LOXL3: variants seen among roughly 807,000 people sequenced by gnomAD.
LOXL3 encodes the protein lysyl oxidase like 3.
Under a neutral mutation model 91.8 loss-of-function variants are expected in LOXL3, and 60 were observed. That is an observed-to-expected ratio of 0.65 (90% CI 0.53 to 0.81). The LOEUF (loss-of-function observed/expected upper bound fraction) is 0.81, where lower values mean the gene tolerates loss of function less well. Ranked by LOEUF, LOXL3 falls within the 30% of genes least tolerant of loss-of-function variation. The probability of loss-of-function intolerance (pLI) is 0.00; values close to 1 mark genes in which losing one functional copy is unlikely to be tolerated. For synonymous variants in LOXL3, 355 were observed against 387.6 expected, an observed-to-expected ratio of 0.92 and a Z score of 0.99; for missense variants, 874 against 1,000.4, an observed-to-expected ratio of 0.87 and a Z score of 1.70.
intron 4 of LOXL3, among the ~76,000 whole-genome samples, chr2:74,538,528 A>G (rs1378683586): frequency 6.6e-6 from 1 of 152,226 alleles, no homozygotes; most frequent in African/African-American, 2.4e-5. Context: ...AGATGTAATT[A>G]CAGGGGTTGG....
At chr2:74,545,133 GA>G (rs1676526613) in intron 4 of LOXL3, among the ~76,000 whole-genome samples, 1 of 152,200 alleles carries the variant, frequency 6.6e-6, no homozygotes, top group Non-Finnish European at 1.5e-5. Context: ...CTGAAGCCCA[GA>G]GATGGCTGCT....
intron 9 of LOXL3, 50 bp from the exon 10 acceptor site, chr2:74,534,824 A>C (rs1675901235): frequency 6.3e-7 from 1 of 1,587,332 alleles, no homozygotes; most frequent in African/African-American, 1.3e-5. Context: ...GACTTCACAG[A>C]GAGGGGTGCT....
At chr2:74,539,322 GAAC>G (rs1676188596) in intron 4 of LOXL3, among the ~76,000 whole-genome samples, 1 of 152,192 alleles carries the variant, frequency 6.6e-6, no homozygotes, top group Non-Finnish European at 1.5e-5. Flanking sequence ...ACCGTCTGCT[GAAC>G]ACCATTGAAC....
Position 74,549,661 on chromosome 2 carries a change from T to C in LOXL3, c.478-78A>G. ...TCCCGCCGCCCTTAAGGAACCCTGC[T>C]TGGTGTGCCTGCTGTAAACCCAGTG... is the stretch of plus-strand genomic sequence containing the variant. On this transcript the variant is annotated intron_variant, in intron 3 of 13. Coordinates refer to ENST00000264094, the MANE Select transcript of LOXL3 (RefSeq NM_032603.5). The surrounding 1 kb of genome is among the most constrained non-coding windows in gnomAD (Gnocchi z 5.3). 1.3e-6 allele frequency: 2 copies of C among 1,496,402 alleles called. No homozygotes were observed. The highest frequency in any genetic ancestry group is 9.0e-7 in the Non-Finnish European group (1 of 1,115,586). The allele number at this position is 1,496,402 out of a possible 1,614,324, so 92.7% of individuals were successfully genotyped here.
chr2:74,550,108 A>G (rs1280158459), intron 3 of LOXL3, 77 bp downstream of exon 3: 45 of 1,517,092 alleles, frequency 3.0e-5, no homozygotes, highest in Admixed American at 1.3e-4. Flanking sequence ...ACTACCTTCT[A>G]ATGTCTCCGC....
Position 74,549,165 on chromosome 2 carries a change from C to A in LOXL3, c.692+204G>T, listed in dbSNP as rs1223055435. On this transcript the variant is annotated intron_variant, in intron 4 of 13. Coordinates refer to ENST00000264094, the MANE Select transcript of LOXL3 (RefSeq NM_032603.5). The surrounding 1 kb of genome is among the most constrained non-coding windows in gnomAD (Gnocchi z 5.3). ...AGAGAGCGGGAGCCTCGCTGGTCCC[C>A]ATTTCAGGTACTCCCTTGGGGCACC... The A allele has an allele frequency of 4.1e-6, 2 of 482,740 alleles. No individual in the cohort carries two copies. The highest frequency in any genetic ancestry group is 4.8e-5 in the South Asian group (1 of 20,720). 29.9% of individuals were successfully genotyped at this position (482,740 alleles called of 1,614,324 possible).
intron 4 of LOXL3, among the ~76,000 whole-genome samples, chr2:74,538,837 C>T (rs1676164577): frequency 6.6e-6 from 1 of 152,208 alleles, no homozygotes; most frequent in South Asian, 2.1e-4. Context: ...TCTCCTGGAA[C>T]TCAGCAGGGG....
At position 74,533,036 on chromosome 2, in the gene LOXL3, C is replaced by T. The variant is rs780025917; in HGVS notation, c.*570G>A. 1.2e-5 allele frequency: 19 copies of T among 1,589,030 alleles called. No individual in the cohort carries two copies. In the African/African-American group the frequency reaches 2.3e-4, roughly 19 times the overall value. On this transcript the variant is annotated 3_prime_UTR_variant, in exon 14 of 14. Transcript: ENST00000264094. ...CTGCTCTGATTTCCTCCTTGCCTTT[C>T]TGGCTGAGGTTCTGAGGGCACCGAG...
intron 1 of LOXL3, among the ~76,000 whole-genome samples, chr2:74,553,453 C>T (rs945512687): frequency 6.6e-6 from 1 of 152,208 alleles, no homozygotes; most frequent in African/African-American, 2.4e-5. Flanking sequence ...CTCCTGCCAA[C>T]ACCACCATCC....
Position 74,535,230 on chromosome 2 carries a change from C to T in LOXL3, c.1579+62G>A. 1 of 1,543,826 alleles carries T rather than the reference C, an allele frequency of 6.5e-7. No individual in the cohort carries two copies. Among genetic ancestry groups the T allele is most frequent in the South Asian group, 1.2e-5 (1 of 82,036 alleles). Reference sequence around the variant, plus strand: ...CCCCTCCAGATTACAGCCCCCTTTCCCTGCAAACGGGTGGCCCAGACACTC... The same window carrying T: ...CCCCTCCAGATTACAGCCCCCTTTCTCTGCAAACGGGTGGCCCAGACACTC... On this transcript the variant is annotated intron_variant, in intron 9 of 13. Coordinates refer to ENST00000264094, the MANE Select transcript of LOXL3 (RefSeq NM_032603.5). This position sits in a 1 kb window ranked among gnomAD's most constrained non-coding sequence, Gnocchi z 4.2.
rs1675685297 is a variant in LOXL3, at chr2:74,532,504, C to T, written c.*1102G>A. ...TGAGTTGCCATTGTATTTTGTAGTA[C>T]CTAGCCCATGTCCTGTCCATATATT... On this transcript the variant is annotated 3_prime_UTR_variant, in exon 14 of 14. Transcript: ENST00000264094. The T allele has an allele frequency of 1.3e-6, 1 of 797,182 alleles. No individual in the cohort carries two copies. The highest frequency in any genetic ancestry group is 1.7e-5 in the African/African-American group (1 of 58,874). The allele number at this position is 797,182 out of a possible 1,614,324, so 49.4% of individuals were successfully genotyped here.
At chr2:74,540,070 A>G (rs955672593) in intron 4 of LOXL3, among the ~76,000 whole-genome samples, 3 of 151,986 alleles carry the variant, frequency 2.0e-5, no homozygotes, top group Admixed American at 6.5e-5. Flanking sequence ...GCTGGTCTCG[A>G]ACTCCTGACC....
At chr2:74,550,395 T>G in intron 2 of LOXL3, 47 bp from the exon 3 acceptor site, 1 of 1,587,516 alleles carries the variant, frequency 6.3e-7, no homozygotes. Flanking sequence ...GGAGGGAGGA[T>G]GGGGGAGTAA....
chr2:74,555,624 C>A (rs778954846), upstream of LOXL3: 16 of 1,614,190 alleles, frequency 9.9e-6, no homozygotes, highest in Non-Finnish European at 1.3e-5. The surrounding 1 kb of genome is among the most constrained non-coding windows in gnomAD (Gnocchi z 6.1). Flanking sequence ...AAGCTTTCTG[C>A]CCTGGAGATG....
At position 74,549,182 on chromosome 2, in the gene LOXL3, T is replaced by C; in HGVS notation, c.692+187A>G. Reference sequence around the variant, plus strand: ...CTGGTCCCCATTTCAGGTACTCCCTTGGGGCACCTTTCGTGGTCCCACAAG... The same window carrying C: ...CTGGTCCCCATTTCAGGTACTCCCTCGGGGCACCTTTCGTGGTCCCACAAG... On this transcript the variant is annotated intron_variant, in intron 4 of 13. Coordinates refer to ENST00000264094, the MANE Select transcript of LOXL3 (RefSeq NM_032603.5). This position sits in a 1 kb window ranked among gnomAD's most constrained non-coding sequence, Gnocchi z 5.3. 2 of 613,756 alleles carry C rather than the reference T, an allele frequency of 3.3e-6. No homozygotes were observed. The highest frequency in any genetic ancestry group is 5.3e-6 in the Non-Finnish European group (2 of 377,276). 38.0% of individuals were successfully genotyped at this position (613,756 alleles called of 1,614,324 possible). A position where few individuals can be genotyped will look rare whatever the true frequency, so the allele number is the denominator to read the frequency against.
Position 74,532,284 on chromosome 2 carries a change from T to C in LOXL3, c.*1322A>G, listed in dbSNP as rs1675667222. 1 of 478,726 alleles carries C rather than the reference T, an allele frequency of 2.1e-6. No homozygotes were observed. Among genetic ancestry groups the C allele is most frequent in the Non-Finnish European group, 3.8e-6 (1 of 262,972 alleles). The allele number at this position is 478,726 out of a possible 1,614,324, so 29.7% of individuals were successfully genotyped here. On this transcript the variant is annotated 3_prime_UTR_variant, in exon 14 of 14. Transcript: ENST00000264094. Reference sequence around the variant, plus strand: ...TTCCTACTCCCATGTTTTTTATTTATGCTGTTCTTGTTTTATATGGTTAAT... The same window carrying C: ...TTCCTACTCCCATGTTTTTTATTTACGCTGTTCTTGTTTTATATGGTTAAT...
rs764189744 is a variant in LOXL3 at position 74,536,759 on chromosome 2, C to T, written c.862G>A (p.Ala288Thr). The change falls in exon 5 of 14, where the codon GCG becomes ACG. Residue 288 changes from alanine (A) to threonine (T), a missense_variant. Physicochemically the swap from Ala to Thr is moderately conservative, Grantham distance 58. Transcript: ENST00000264094. This position sits in a 1 kb window ranked among gnomAD's most constrained non-coding sequence, Gnocchi z 4.5. ...TGCTTCTTCTGGCCACTGGATGCCG[C>T]GTAGACAGGGCCTGGCACACAGCTC... is the stretch of plus-strand genomic sequence containing the variant. ...VVSCVPGPVY[A>T]ASSGQKKQQQ... 7 of 1,614,192 alleles carry T rather than the reference C, an allele frequency of 4.3e-6. No individual in the cohort carries two copies. The highest frequency in any genetic ancestry group is 2.2e-5 in the East Asian group (1 of 44,866).
chr2:74,535,081 C>T lies in LOXL3; in HGVS notation c.1579+211G>A, dbSNP rs1266947750. Among the ~76,000 whole-genome samples the T allele has an allele frequency of 7.9e-5, 12 of 152,126 alleles. No homozygotes were observed. The highest frequency in any genetic ancestry group is 6.5e-4 in the Admixed American group (10 of 15,276). On this transcript the variant is annotated intron_variant, in intron 9 of 13. Transcript: ENST00000264094. The surrounding 1 kb of genome is among the most constrained non-coding windows in gnomAD (Gnocchi z 4.2). ...TTTAGTAGAGACAGGGTTTCACCAT[C>T]TTGGTCAGGCTGGTCTTGAATTCCT...
In LOXL3 at chr2:74,534,255, G is replaced by A. The variant is rs759687105; in HGVS notation, c.1940-19C>T. On this transcript the variant is annotated intron_variant, in intron 11 of 13. Coordinates refer to ENST00000264094, the MANE Select transcript of LOXL3 (RefSeq NM_032603.5). ...GAGACATCTGGAGGGATTGGCATAT[G>A]TCAGTGTAAGGAAAGGCTGTGCAAT... is the stretch of plus-strand genomic sequence containing the variant. 20 of 1,614,096 alleles carry A rather than the reference G, an allele frequency of 1.2e-5. No homozygotes were observed. The highest frequency in any genetic ancestry group is 6.8e-6 in the Non-Finnish European group (8 of 1,180,032).
Sources: allele counts gnomAD v4.1 joint callset (sites outside exome capture counted in the v4.1 genomes callset), GRCh38; gene constraint gnomAD v4.1.1; non-coding constraint Gnocchi (gnomAD v3.1); transcripts MANE v1.5; gene names NCBI Gene and HGNC (gene_info 2026-07-23, HGNC 2026-07-21).